PRKN: variants seen among roughly 807,000 people sequenced by gnomAD.
PRKN encodes the protein E3 ubiquitin-protein ligase parkin.
In PRKN, 56 loss-of-function variants were observed where a neutral mutation model predicts 59.5. The observed-to-expected ratio is 0.94, with a 90% CI of 0.76 to 1.18. The LOEUF is 1.18. Among genes scored for constraint, PRKN ranks in the 50% most tolerant of loss-of-function variants. The pLI, the probability that PRKN is intolerant of heterozygous loss-of-function variation, is 0.00. For missense variants in PRKN, 657 were observed against 596.4 expected (o/e 1.10, Z -1.06); for synonymous variants, 250 against 222.1 (o/e 1.13, Z -1.12).
intron 4 of PRKN, among the ~76,000 whole-genome samples, chr6:162,069,245 G>C (rs1778472523): frequency 6.6e-6 from 1 of 152,122 alleles, no homozygotes; most frequent in African/African-American, 2.4e-5. Context: ...TCTGATGGGT[G>C]TATCAGGGGT....
At position 161,582,756 on chromosome 6, in the gene PRKN, A is replaced by G. The variant is rs941283340; in HGVS notation, c.872-13340T>C. On this transcript the variant is annotated intron_variant, in intron 7 of 11. Coordinates refer to ENST00000366898, the MANE Select transcript of PRKN (RefSeq NM_004562.3). This position sits in a 1 kb window ranked among gnomAD's most constrained non-coding sequence, Gnocchi z 4.4. ...GACTATTATTAATTTTATAATAAGG[A>G]TAAATGAAACCAGACGTAAGTGTCA... is the stretch of plus-strand genomic sequence containing the variant. Among the ~76,000 whole-genome samples the G allele has an allele frequency of 6.6e-6, 1 of 152,124 alleles. No homozygotes were observed. The highest frequency in any genetic ancestry group is 2.4e-5 in the African/African-American group (1 of 41,404).
chr6:162,622,291 GTT>G (rs748667913), intron 1 of PRKN, among the ~76,000 whole-genome samples: 1 of 126,644 alleles, frequency 7.9e-6, no homozygotes, highest in South Asian at 2.7e-4. Context: ...TTCAAATTCT[GTT>G]TTTTTTTTTG....
chr6:161,679,556 CTTTTTTTTT>C (rs34325718), intron 7 of PRKN, among the ~76,000 whole-genome samples: 16 of 109,034 alleles, frequency 1.5e-4, no homozygotes, highest in African/African-American at 5.2e-4. Flanking sequence ...AGTTTCAAGT[CTTTTTTTTT>C]TTTTTTTTTT....
chr6:162,712,124 G>A (rs1778560214), intron 1 of PRKN, among the ~76,000 whole-genome samples: 1 of 152,194 alleles, frequency 6.6e-6, no homozygotes, highest in South Asian at 2.1e-4. Flanking sequence ...GTGACTACAG[G>A]TGGCCTATTC....
In PRKN at chr6:162,391,639, A is replaced by G. The variant is rs533783713; in HGVS notation, c.171+51671T>C. 1.5e-4 allele frequency among the ~76,000 whole-genome samples: 21 copies of G among 142,094 alleles called. 1 individual carries two copies. The highest frequency in any genetic ancestry group is 4.0e-3 in the Middle Eastern group (1 of 250). The allele number at this position is 142,094 out of a possible 152,430, so 93.2% of individuals were successfully genotyped here. On this transcript the variant is annotated intron_variant, in intron 2 of 11. Coordinates refer to ENST00000366898, the MANE Select transcript of PRKN (RefSeq NM_004562.3). Reference sequence around the variant, plus strand: ...TCCTGGAAGATAATTTTCTTACTGCACATGCTTGACGTGGATTTCGAACAT... The same window carrying G: ...TCCTGGAAGATAATTTTCTTACTGCGCATGCTTGACGTGGATTTCGAACAT...
intron 1 of PRKN, among the ~76,000 whole-genome samples, chr6:162,449,794 C>T (rs1370691699): frequency 1.3e-5 from 2 of 152,062 alleles, no homozygotes; most frequent in African/African-American, 2.4e-5. Flanking sequence ...ATCGGATCAA[C>T]CCTCCTGCAA....
chr6:161,356,410 G>A lies in PRKN; in HGVS notation c.1285+3678C>T, dbSNP rs1332301569. On this transcript the variant is annotated intron_variant, in intron 11 of 11. Transcript: ENST00000366898. The surrounding 1 kb of genome is among the most constrained non-coding windows in gnomAD (Gnocchi z 7.8). ...AGGAGCGGGACTGTGTGGTTGCAAT[G>A]TCAGTGGGGACCCCCGGGGGGAAGG... is the stretch of plus-strand genomic sequence containing the variant. 6.6e-6 allele frequency among the ~76,000 whole-genome samples: 1 copy of A among 152,224 alleles called. No homozygotes were observed. The highest frequency in any genetic ancestry group is 1.5e-5 in the Non-Finnish European group (1 of 68,046).
chr6:162,095,425 G>T (rs751727626), intron 4 of PRKN, among the ~76,000 whole-genome samples: 1 of 152,092 alleles, frequency 6.6e-6, no homozygotes, highest in Non-Finnish European at 1.5e-5. Flanking sequence ...AATTTGGTAT[G>T]CAGCACACCA....
intron 7 of PRKN, among the ~76,000 whole-genome samples, chr6:161,781,957 T>C (rs946901565): frequency 1.3e-5 from 2 of 152,238 alleles, no homozygotes; most frequent in African/African-American, 4.8e-5. Context: ...TACTGCACTT[T>C]GCAATTGCTG....
At chr6:162,727,527 C>T (rs931760147) in intron 1 of PRKN, 135 bp downstream of exon 1, 4 of 995,082 alleles carry the variant, frequency 4.0e-6, no homozygotes, top group Non-Finnish European at 5.9e-6. Context: ...CGGCGCGGGC[C>T]GGGGACGGCA....
intron 5 of PRKN, among the ~76,000 whole-genome samples, chr6:162,022,925 A>G (rs76360796): frequency 0.021 from 3,201 of 152,112 alleles, 110 homozygotes; most frequent in African/African-American, 0.074. Flanking sequence ...TATTTTCCCC[A>G]TTGTTGATTT....
At chr6:161,827,936 T>A (rs1792318137) in intron 6 of PRKN, among the ~76,000 whole-genome samples, 1 of 152,364 alleles carries the variant, frequency 6.6e-6, no homozygotes, top group South Asian at 2.1e-4. Flanking sequence ...CCAAGTTTAC[T>A]AACTGACTTT....
At chr6:162,522,057 T>A (rs6935012) in intron 1 of PRKN, among the ~76,000 whole-genome samples, 1 of 152,162 alleles carries the variant, frequency 6.6e-6, no homozygotes, top group African/African-American at 2.4e-5. Context: ...CTCAACCTGA[T>A]AGTTTTCTTT....
chr6:161,580,087 T>G (rs1781278036), intron 7 of PRKN, among the ~76,000 whole-genome samples: 2 of 152,294 alleles, frequency 1.3e-5, no homozygotes, highest in African/African-American at 2.4e-5. Context: ...AAAATCCAAT[T>G]TAAAAGACAA....
intron 5 of PRKN, among the ~76,000 whole-genome samples, chr6:161,996,249 C>G (rs536230910): frequency 6.6e-6 from 1 of 152,134 alleles, no homozygotes; most frequent in Non-Finnish European, 1.5e-5. Context: ...CTTGCAGAAA[C>G]CTGGATGAAC....
intron 6 of PRKN, among the ~76,000 whole-genome samples, chr6:161,815,135 G>A (rs1261984851): frequency 2.6e-5 from 4 of 152,190 alleles, no homozygotes; most frequent in Non-Finnish European, 4.4e-5. Context: ...AGCCAGGTAT[G>A]CCTGTGCAGT....
chr6:161,728,570 C>T (rs1017465456), intron 7 of PRKN, among the ~76,000 whole-genome samples: 1 of 152,126 alleles, frequency 6.6e-6, no homozygotes, highest in African/African-American at 2.4e-5. Flanking sequence ...TATTGTTTTA[C>T]ACAATCACAT....
intron 6 of PRKN, among the ~76,000 whole-genome samples, chr6:161,800,288 C>A (rs1057362179): frequency 6.6e-6 from 1 of 152,112 alleles, no homozygotes; most frequent in East Asian, 1.9e-4. Context: ...TGTCTCCTAC[C>A]TAGCTTTGCT....
chr6:161,764,599 T>C (rs1017882442), intron 7 of PRKN, among the ~76,000 whole-genome samples: 2 of 152,222 alleles, frequency 1.3e-5, no homozygotes, highest in Non-Finnish European at 2.9e-5. Context: ...ATACAAGTTT[T>C]AAGAATTCAG....
Sources: gnomAD v4.1 joint callset for allele counts (sites outside exome capture counted in the v4.1 genomes callset) on GRCh38, gnomAD v4.1.1 for gene constraint, Gnocchi (gnomAD v3.1) non-coding constraint, MANE v1.5 for transcripts, NCBI Gene and HGNC (gene_info 2026-07-23, HGNC 2026-07-21) for gene names.